Variants in LHX6 observed in about 807,000 individuals in gnomAD.
The protein encoded by LHX6 is LIM/homeobox protein Lhx6.
LHX6 carries 15 observed loss-of-function variants against 47.1 expected under a neutral mutation model. The ratio of observed to expected loss-of-function variants is 0.32; its 90% CI spans 0.21 to 0.49. The LOEUF (loss-of-function observed/expected upper bound fraction) is 0.49. LHX6 is among the 20% of genes least tolerant of loss of function. LHX6 has a pLI of 0.99. For synonymous variants in LHX6, 242 were observed against 233.5 expected (o/e 1.04, Z -0.33); for missense variants, 404 against 539.6 (o/e 0.75, Z 2.49).
rs1057334236 is a variant in LHX6, at chr9:122,228,847, C to T, written c.-107G>A. 1.3e-6 allele frequency: 1 copy of T among 751,616 alleles called. No homozygotes were observed. Among genetic ancestry groups the T allele is most frequent in the African/African-American group, 1.9e-5 (1 of 53,820 alleles). The allele number at this position is 751,616 out of a possible 1,614,324, so 46.6% of individuals were successfully genotyped here. On this transcript the variant is annotated 5_prime_UTR_variant, in exon 1 of 10. Coordinates refer to ENST00000394319, the MANE Select transcript of LHX6 (RefSeq NM_014368.5). ...GCTGCTGCAGGAGCAGGAGGAGAGC[C>T]GAGGCGCCGGCCCCGCCGCCCCGGG... is the stretch of plus-strand genomic sequence containing the variant.
Position 122,213,583 on chromosome 9 carries a change from C to T in LHX6, c.1054+23G>A. 2 of 1,536,152 alleles carry T rather than the reference C, an allele frequency of 1.3e-6. No homozygotes were observed. The highest frequency in any genetic ancestry group is 1.7e-6 in the Non-Finnish European group (2 of 1,145,464). Reference sequence around the variant, plus strand: ...CGCCCCCTCCCCGCAGGCCCAGCGGCTCCCGGCGCTGCGGTTACTTACTCT... The same window carrying T: ...CGCCCCCTCCCCGCAGGCCCAGCGGTTCCCGGCGCTGCGGTTACTTACTCT... On this transcript the variant is annotated intron_variant, in intron 8 of 9. Coordinates refer to ENST00000394319, the MANE Select transcript of LHX6 (RefSeq NM_014368.5). The surrounding 1 kb of genome is among the most constrained non-coding windows in gnomAD (Gnocchi z 5.5).
chr9:122,227,107 G>A (rs1831135448), intron 2 of LHX6, 77 bp from the exon 3 acceptor site: 1 of 1,351,942 alleles, frequency 7.4e-7, no homozygotes, highest in Non-Finnish European at 9.8e-7. Context: ...CAAATCTGGG[G>A]CCCCCGAGCA....
chr9:122,227,837 G>A (rs1831174773), intron 1 of LHX6: 1 of 350,022 alleles, frequency 2.9e-6, no homozygotes. Flanking sequence ...CAAGATAAGA[G>A]GTAGCCAGAG....
Position 122,228,685 on chromosome 9 carries a change from G to T in LHX6, c.56C>A (p.Pro19Gln), listed in dbSNP as rs757424954. 2.3e-6 allele frequency: 3 copies of T among 1,289,668 alleles called. No homozygotes were observed. The South Asian group carries it at 7.9e-5, about 34-fold the overall frequency. The allele number at this position is 1,289,668 out of a possible 1,614,324, so 79.9% of individuals were successfully genotyped here. The stretch of plus-strand genomic sequence containing the variant: ...GTCGGTGGCGGGGCCGCCCTCGGCC[G>T]GCAGCCGGCAGCCCTCGGGCAACGC... ...APALPEGCRL[P>Q]AEGGPATDQV... The change falls in exon 1 of 10, where the codon CCG becomes CAG. Residue 19 changes from proline (P) to glutamine (Q), a missense_variant. By Grantham distance (76) the Pro-to-Gln change is moderately conservative. This residue lies in a region of LHX6 where 144 missense variants were observed against 128.7 expected (regional missense o/e 1.12). Transcript: ENST00000394319.
chr9:122,228,197 A>T, intron 1 of LHX6: 1 of 1,456,564 alleles, frequency 6.9e-7, no homozygotes, highest in Non-Finnish European at 9.3e-7. Context: ...TCGGAGGGAA[A>T]CCCGGAGCAA....
rs1202863000 is a variant in LHX6, at chr9:122,202,618, T to G, written c.*2142A>C. On this transcript the variant is annotated 3_prime_UTR_variant, in exon 10 of 10. Coordinates refer to ENST00000394319, the MANE Select transcript of LHX6 (RefSeq NM_014368.5). ...GCCAGCACTTCTACTTGCATTAACT[T>G]TATTACACAAATAAGACATTTACAA... 1 of 152,612 alleles carries G rather than the reference T, an allele frequency of 6.6e-6. No homozygotes were observed. The highest frequency in any genetic ancestry group is 1.5e-5 in the Non-Finnish European group (1 of 68,038). 9.5% of individuals were successfully genotyped at this position (152,612 alleles called of 1,614,324 possible).
rs1713899833 is a variant in LHX6, at chr9:122,217,912, A to C, written c.462-624T>G. On this transcript the variant is annotated intron_variant, in intron 4 of 9. Coordinates refer to ENST00000394319, the MANE Select transcript of LHX6 (RefSeq NM_014368.5). This position sits in a 1 kb window ranked among gnomAD's most constrained non-coding sequence, Gnocchi z 4.9. ...TCTCGTTTTCCTTGTCCTGCACTGA[A>C]CTAGATGACAACAGCAATGACTACT... Among the ~76,000 whole-genome samples, 2 of 152,222 alleles carry C rather than the reference A, an allele frequency of 1.3e-5. No individual in the cohort carries two copies. Among genetic ancestry groups the C allele is most frequent in the African/African-American group, 4.8e-5 (2 of 41,456 alleles).
Position 122,204,740 on chromosome 9 carries a change from A to G in LHX6, c.*20T>C, listed in dbSNP as rs746252501. The G allele has an allele frequency of 5.0e-6, 8 of 1,598,662 alleles. No individual in the cohort carries two copies. Among genetic ancestry groups the G allele is most frequent in the Non-Finnish European group, 6.8e-6 (8 of 1,172,580 alleles). ...GCAGCTGTGGGGCGCCCACGGGCAG[A>G]TGCGGAAGTGCCGGCAGCGTTAGTA... On this transcript the variant is annotated 3_prime_UTR_variant, in exon 10 of 10. Transcript: ENST00000394319.
chr9:122,209,526 G>A, intron 9 of LHX6, 88 bp downstream of exon 9: 1 of 1,582,134 alleles, frequency 6.3e-7, no homozygotes, highest in Non-Finnish European at 8.6e-7. Context: ...GCGCAGCATG[G>A]TACCAAATGG....
chr9:122,204,290 TTTCCAG>T lies in LHX6; in HGVS notation c.*464_*469del, dbSNP rs1830087851. 5.8e-6 allele frequency: 1 copy of T among 172,602 alleles called. No homozygotes were observed. The highest frequency in any genetic ancestry group is 1.2e-5 in the Non-Finnish European group (1 of 81,678). The allele number at this position is 172,602 out of a possible 1,614,324, so 10.7% of individuals were successfully genotyped here. On this transcript the variant is annotated 3_prime_UTR_variant, in exon 10 of 10. Coordinates refer to ENST00000394319, the MANE Select transcript of LHX6 (RefSeq NM_014368.5). ...GGACATCCCACAAACACTGTAGAGT[TTTCCAG>T]ACAAAAGCAACAGAGTGGATAACAT...
Position 122,228,774 on chromosome 9 carries a change from G to A in LHX6, c.-34C>T. 2 of 1,225,704 alleles carry A rather than the reference G, an allele frequency of 1.6e-6. No individual in the cohort carries two copies. Among genetic ancestry groups the A allele is most frequent in the Non-Finnish European group, 2.0e-6 (2 of 977,952 alleles). The allele number at this position is 1,225,704 out of a possible 1,614,324, so 75.9% of individuals were successfully genotyped here. On this transcript the variant is annotated 5_prime_UTR_variant, in exon 1 of 10. Coordinates refer to ENST00000394319, the MANE Select transcript of LHX6 (RefSeq NM_014368.5). ...GAACCTCGGGCTCAGCGGGCGCGCA[G>A]CGCGGAGAGCTGCGCCGAGGGGGAC...
Position 122,213,297 on chromosome 9 carries a change from T to C in LHX6, c.1054+309A>G, listed in dbSNP as rs780987970. 6.6e-6 allele frequency among the ~76,000 whole-genome samples: 1 copy of C among 151,874 alleles called. No homozygotes were observed. Among genetic ancestry groups the C allele is most frequent in the Non-Finnish European group, 1.5e-5 (1 of 67,984 alleles). ...CCACCAGAACGCAGGCTCCACAGAG[T>C]AGGTACCTTGTCCAGCCTGTTCTCT... On this transcript the variant is annotated intron_variant, in intron 8 of 9. Transcript: ENST00000394319. The surrounding 1 kb of genome is among the most constrained non-coding windows in gnomAD (Gnocchi z 5.5).
intron 2 of LHX6, 43 bp from the exon 3 acceptor site, chr9:122,227,073 C>T: frequency 6.9e-7 from 1 of 1,442,092 alleles, no homozygotes; most frequent in Non-Finnish European, 9.1e-7. Context: ...ATCCGGGCAC[C>T]CAGAGTTGGG....
Position 122,227,499 on chromosome 9 carries a change from G to GCCCCCCCGGGGGGGGGGGGGGGGGGGA in LHX6, c.85-20_85-19insTCCCCCCCCCCCCCCCCCCCGGGGGGG. The GCCCCCCCGGGGGGGGGGGGGGGGGGGA allele has an allele frequency of 1.5e-6, 1 of 656,320 alleles. No homozygotes were observed. The allele number at this position is 656,320 out of a possible 1,614,324, so 40.7% of individuals were successfully genotyped here. A position where few individuals can be genotyped will look rare whatever the true frequency, so the allele number is the denominator to read the frequency against. Reference sequence around the variant, plus strand: ...CCATCACCTGGGGGAGGGGGGGAGGGAACGCAGGCGGCGGCGGCTGCTGAA... The same window carrying GCCCCCCCGGGGGGGGGGGGGGGGGGGA: ...CCATCACCTGGGGGAGGGGGGGAGGGCCCCCCCGGGGGGGGGGGGGGGGGGGAAACGCAGGCGGCGGCGGCTGCTGAA... On this transcript the variant is annotated intron_variant, in intron 1 of 9. Transcript: ENST00000394319.
chr9:122,221,802 G>T, intron 4 of LHX6: 1 of 787,962 alleles, frequency 1.3e-6, no homozygotes, highest in Non-Finnish European at 1.5e-6. Flanking sequence ...GCAGAGAGGG[G>T]CCCCACGATG....
At chr9:122,225,012 T>G (rs1831033513) in intron 4 of LHX6, among the ~76,000 whole-genome samples, 1 of 152,132 alleles carries the variant, frequency 6.6e-6, no homozygotes, top group Non-Finnish European at 1.5e-5. Flanking sequence ...TAACCATGCT[T>G]CTCATGGTTT....
In LHX6 at chr9:122,213,643, C is replaced by T; in HGVS notation, c.1017G>A (p.Glu339=). The part of the protein sequence containing the change: ...DIHYTPFSSP[E]RARMVTLHGY... Reference sequence around the variant, plus strand: ...CGTGCAGGGTGACCATGCGCGCCCGCTCGGGGCTGCTGAACGGGGTGTAGT... The same window carrying T: ...CGTGCAGGGTGACCATGCGCGCCCGTTCGGGGCTGCTGAACGGGGTGTAGT... The change falls in exon 8 of 10, where the codon GAG becomes GAA. Residue 339 remains glutamate (E), a synonymous_variant. Coordinates refer to ENST00000394319, the MANE Select transcript of LHX6 (RefSeq NM_014368.5). The surrounding 1 kb of genome is among the most constrained non-coding windows in gnomAD (Gnocchi z 5.5). 1.2e-6 allele frequency: 2 copies of T among 1,608,818 alleles called. No individual in the cohort carries two copies. Among genetic ancestry groups the T allele is most frequent in the African/African-American group, 2.7e-5 (2 of 74,994 alleles).
chr9:122,212,845 G>A (rs530923771), intron 8 of LHX6, among the ~76,000 whole-genome samples: 4 of 152,218 alleles, frequency 2.6e-5, no homozygotes, highest in South Asian at 4.2e-4. Context: ...GTTCACTGTC[G>A]TATCCCAGTG....
chr9:122,212,676 C>A (rs1167137880), intron 8 of LHX6, among the ~76,000 whole-genome samples: 2 of 152,160 alleles, frequency 1.3e-5, no homozygotes, highest in Non-Finnish European at 2.9e-5. Context: ...TCCAGGTTCC[C>A]GCTCACAAGT....
Sources: gnomAD v4.1 joint callset for allele counts (sites outside exome capture counted in the v4.1 genomes callset) on GRCh38, gnomAD v4.1.1 for gene constraint, gnomAD v4.1.1 regional missense constraint, Gnocchi (gnomAD v3.1) non-coding constraint, MANE v1.5 for transcripts, NCBI Gene and HGNC (gene_info 2026-07-23, HGNC 2026-07-21) for gene names.